RIN2: variants seen among roughly 807,000 people sequenced by gnomAD.
RIN2 encodes RAB5 interacting protein 2.
In RIN2, 36 loss-of-function variants were observed where a neutral mutation model predicts 78.0. The observed-to-expected ratio is 0.46, with a 90% CI of 0.35 to 0.61. RIN2 has a LOEUF of 0.61. RIN2 is among the 20% of genes least tolerant of loss of function. The pLI is 0.00. For missense variants in RIN2, 1,087 were observed against 1,159.7 expected (o/e 0.94, Z 0.91); for synonymous variants, 466 against 466.8 (o/e 1.00, Z 0.02).
intron 5 of RIN2, among the ~76,000 whole-genome samples, chr20:19,960,245 A>G (rs558612786): frequency 5.3e-5 from 8 of 152,356 alleles, no homozygotes; most frequent in African/African-American, 1.9e-4. Flanking sequence ...TTAAATTTCT[A>G]TTGTAAATAT....
intron 2 of RIN2, among the ~76,000 whole-genome samples, chr20:19,811,070 G>T (rs1337119294): frequency 6.6e-6 from 1 of 151,814 alleles, no homozygotes; most frequent in Non-Finnish European, 1.5e-5. Flanking sequence ...CAAGGATAAA[G>T]CGGAAAGTAC....
intron 3 of RIN2, among the ~76,000 whole-genome samples, chr20:19,892,529 A>C (rs142083783): frequency 0.012 from 1,841 of 152,120 alleles, 20 homozygotes; most frequent in Middle Eastern, 0.027. Context: ...AATTTATTTA[A>C]GTCAGATGCT....
At chr20:19,796,426 G>A (rs903644677) in intron 1 of RIN2, among the ~76,000 whole-genome samples, 16 of 152,114 alleles carry the variant, frequency 1.1e-4, no homozygotes, top group Non-Finnish European at 2.2e-4. Flanking sequence ...GGTGAAGTTG[G>A]GTATATCCAG....
At chr20:19,823,751 G>A in intron 2 of RIN2, 1 of 1,593,068 alleles carries the variant, frequency 6.3e-7, no homozygotes, top group Non-Finnish European at 8.5e-7. Context: ...TGTCTGTTCT[G>A]AATGGTTAGT....
At chr20:19,777,356 G>A (rs1273918653) in intron 1 of RIN2, among the ~76,000 whole-genome samples, 1 of 152,266 alleles carries the variant, frequency 6.6e-6, no homozygotes, top group African/African-American at 2.4e-5. Context: ...CTATCGAGAA[G>A]CCTGGGGTGG....
At chr20:20,000,008 G>C (rs1212814708) in intron 12 of RIN2, among the ~76,000 whole-genome samples, 1 of 152,126 alleles carries the variant, frequency 6.6e-6, no homozygotes. Context: ...GATTGCCCTT[G>C]CTTAGGATTT....
Position 20,000,848 on chromosome 20 carries a change from A to C in RIN2, c.2600A>C (p.His867Pro), listed in dbSNP as rs777171871. The C allele has an allele frequency of 1.2e-6, 2 of 1,613,952 alleles. No individual in the cohort carries two copies. Among genetic ancestry groups the C allele is most frequent in the Non-Finnish European group, 1.7e-6 (2 of 1,179,896 alleles). The change falls in exon 13 of 13, where the codon CAC becomes CCC. Residue 867 changes from histidine to proline, a missense_variant. This residue lies in a region of RIN2 where 160 missense variants were observed against 179.4 expected (regional missense o/e 0.89). Coordinates refer to ENST00000255006, the MANE Select transcript of RIN2 (RefSeq NM_018993.4). The stretch of plus-strand genomic sequence containing the variant: ...GAGCTGCACAGCCGACCACAGCCCC[A>C]CATCTTCCACTTTGTCTACAAACGC... ...KAELHSRPQP[H>P]IFHFVYKRIK... is the part of the protein sequence containing the mutation.
At chr20:19,868,319 C>T (rs546322923) in intron 2 of RIN2, among the ~76,000 whole-genome samples, 10 of 152,322 alleles carry the variant, frequency 6.6e-5, no homozygotes, top group South Asian at 4.1e-4. Flanking sequence ...CGCCTGGCTA[C>T]GTTATGAGTT....
chr20:19,995,173 C>A (rs952213828), intron 11 of RIN2, among the ~76,000 whole-genome samples: 1 of 150,938 alleles, frequency 6.6e-6, no homozygotes, highest in Non-Finnish European at 1.5e-5. Context: ...TACTTTGGCC[C>A]TAAAGGTGAC....
At chr20:19,833,296 T>TATATATATATATATATATATATATA (rs1568794611) in intron 2 of RIN2, among the ~76,000 whole-genome samples, 1 of 152,132 alleles carries the variant, frequency 6.6e-6, no homozygotes, top group East Asian at 1.9e-4. Context: ...TATATATATA[T>TATATATATATATATATATATATATA]TTTAACTTTA....
At chr20:19,785,685 T>C (rs1262489044) in intron 1 of RIN2, among the ~76,000 whole-genome samples, 1 of 152,192 alleles carries the variant, frequency 6.6e-6, no homozygotes, top group East Asian at 1.9e-4. Context: ...CCAAGTTCTC[T>C]ATTATATGAG....
chr20:19,860,788 C>T (rs975359391), intron 2 of RIN2, among the ~76,000 whole-genome samples: 5 of 152,150 alleles, frequency 3.3e-5, no homozygotes, highest in Non-Finnish European at 7.3e-5. Context: ...AATTATGTCC[C>T]TCACTGGACT....
At chr20:19,760,342 T>G (rs1369403984) in intron 1 of RIN2, among the ~76,000 whole-genome samples, 2 of 152,190 alleles carry the variant, frequency 1.3e-5, no homozygotes, top group African/African-American at 4.8e-5. Flanking sequence ...GACCTTTGTC[T>G]GGAAACATTC....
At chr20:19,827,255 C>T (rs932300474) in intron 2 of RIN2, among the ~76,000 whole-genome samples, 4 of 152,154 alleles carry the variant, frequency 2.6e-5, no homozygotes, top group Admixed American at 6.5e-5. Context: ...GGATTACAGG[C>T]GTGAGCCACC....
chr20:19,817,690 AT>A (rs1211336402), intron 2 of RIN2, among the ~76,000 whole-genome samples: 1 of 152,184 alleles, frequency 6.6e-6, no homozygotes, highest in Non-Finnish European at 1.5e-5. Flanking sequence ...AGTCATAAGA[AT>A]TTTTTTAAAT....
chr20:19,788,285 A>G (rs938913018), intron 1 of RIN2, among the ~76,000 whole-genome samples: 1 of 152,070 alleles, frequency 6.6e-6, no homozygotes, highest in African/African-American at 2.4e-5. Flanking sequence ...AAAGAAAGAA[A>G]TGTTATTAAA....
rs1256160973 is a variant in RIN2 at position 19,965,043 on chromosome 20, A to C, written c.536+19A>C. ...TCAGCAGGTAAGGCCTCTTCCTCTC[A>C]TATGGTTTCAAGGCCCTGTTTGGTG... On this transcript the variant is annotated intron_variant, in intron 7 of 12. Transcript: ENST00000255006. 6.2e-7 allele frequency: 1 copy of C among 1,600,874 alleles called. No individual in the cohort carries two copies. The highest frequency in any genetic ancestry group is 1.7e-5 in the Admixed American group (1 of 59,912).
At position 19,975,948 on chromosome 20, in the gene RIN2, GCTGCTGA is replaced by G. The variant is rs1568692489; in HGVS notation, c.1762+166_1762+172del. On this transcript the variant is annotated intron_variant, in intron 9 of 12. Transcript: ENST00000255006. This position sits in a 1 kb window ranked among gnomAD's most constrained non-coding sequence, Gnocchi z 4.9. The stretch of plus-strand genomic sequence containing the variant: ...ATGGAAAAATCAGTTTCTCAAAGTA[GCTGCTGA>G]CTGCCAGACTCAAAAATGTCTTCGG... 6.6e-6 allele frequency among the ~76,000 whole-genome samples: 1 copy of G among 152,172 alleles called. No homozygotes were observed. Among genetic ancestry groups the G allele is most frequent in the African/African-American group, 2.4e-5 (1 of 41,426 alleles).
At chr20:19,796,779 T>C (rs2035068997) in intron 1 of RIN2, among the ~76,000 whole-genome samples, 1 of 152,204 alleles carries the variant, frequency 6.6e-6, no homozygotes, top group Non-Finnish European at 1.5e-5. Context: ...TCCCAAAGAA[T>C]TGAGCCTTGG....
Sources: gnomAD v4.1 joint callset for allele counts (sites outside exome capture counted in the v4.1 genomes callset) on GRCh38, gnomAD v4.1.1 for gene constraint, gnomAD v4.1.1 regional missense constraint, Gnocchi (gnomAD v3.1) non-coding constraint, MANE v1.5 for transcripts, NCBI Gene and HGNC (gene_info 2026-07-23, HGNC 2026-07-21) for gene names.